Variants in ARMH3 observed in about 807,000 individuals in gnomAD.
ARMH3 encodes the protein armadillo like helical domain containing 3.
ARMH3 carries 60 observed loss-of-function variants against 99.1 expected under a neutral mutation model. The ratio of observed to expected loss-of-function variants is 0.61; its 90% confidence interval spans 0.49 to 0.75. ARMH3 has a LOEUF of 0.75. Ranked by LOEUF, ARMH3 falls within the 30% of genes least tolerant of loss-of-function variation. The pLI, the probability that ARMH3 is intolerant of heterozygous loss-of-function variation, is 0.00. For synonymous variants in ARMH3, 285 were observed against 292.8 expected (o/e 0.97, Z 0.27); for missense variants, 679 against 843.1 (o/e 0.81, Z 2.41).
rs538884666 is a variant in ARMH3 at position 102,002,097 on chromosome 10, C to A, written c.1049-25G>T. Reference sequence around the variant, plus strand: ...ACTGGAATAGAACAGATAAAATGCACTTAGCCTGCAACATATTCCATCTAA... The same window carrying A: ...ACTGGAATAGAACAGATAAAATGCAATTAGCCTGCAACATATTCCATCTAA... On this transcript the variant is annotated intron_variant, in intron 14 of 25. Transcript: ENST00000370033. 3.1e-6 allele frequency: 5 copies of A among 1,612,108 alleles called. No homozygotes were observed. The South Asian group carries it at 5.5e-5, about 18-fold the overall frequency.
chr10:101,893,097 TA>T (rs1564727676), intron 23 of ARMH3, among the ~76,000 whole-genome samples: 1 of 152,194 alleles, frequency 6.6e-6, no homozygotes. Context: ...ACCAGGACCC[TA>T]AACCCAATGA....
In ARMH3 at chr10:102,011,782, G is replaced by C; in HGVS notation, c.772C>G (p.Gln258Glu). The stretch of plus-strand genomic sequence containing the variant: ...TGTTCTTCTTCCTTGTCTTTATACT[G>C]CCTAAACAAAAAGAACTAAATTCAA... ...IAQALSEYNR[Q>E]YKDKEEEHQS... is the part of the protein sequence containing the mutation. The change falls in exon 11 of 26, where the codon CAG becomes GAG. Residue 258 changes from glutamine to glutamate, a missense_variant and splice_region_variant. Physicochemically the swap from Gln to Glu is conservative, Grantham distance 29. Transcript: ENST00000370033. 1 of 1,604,162 alleles carries C rather than the reference G, an allele frequency of 6.2e-7. No individual in the cohort carries two copies. The highest frequency in any genetic ancestry group is 8.5e-7 in the Non-Finnish European group (1 of 1,174,924).
At chr10:101,948,842 C>T (rs919938605) in intron 22 of ARMH3, among the ~76,000 whole-genome samples, 10 of 151,630 alleles carry the variant, frequency 6.6e-5, no homozygotes, top group Non-Finnish European at 1.3e-4. Flanking sequence ...TACTCTGGGC[C>T]ATAAAACATG....
chr10:102,004,930 C>T (rs7079478), intron 14 of ARMH3, among the ~76,000 whole-genome samples: 8,841 of 151,996 alleles, frequency 0.058, 271 homozygotes, highest in African/African-American at 0.068. Context: ...ATTGGCCAGG[C>T]GTGGTGGCTC....
intron 1 of ARMH3, among the ~76,000 whole-genome samples, chr10:102,048,244 C>T (rs2067604957): frequency 1.3e-5 from 2 of 152,174 alleles, no homozygotes; most frequent in African/African-American, 4.8e-5. Context: ...GACTGTAGCC[C>T]ATTTCCCCAT....
intron 1 of ARMH3, among the ~76,000 whole-genome samples, chr10:102,047,527 C>T (rs1053433084): frequency 5.3e-5 from 8 of 151,402 alleles, no homozygotes; most frequent in African/African-American, 1.9e-4. Context: ...CACTCTGTCA[C>T]CCAGGCTGGG....
chr10:101,936,143 C>G (rs1843959524), intron 23 of ARMH3, among the ~76,000 whole-genome samples: 1 of 151,956 alleles, frequency 6.6e-6, no homozygotes, highest in Non-Finnish European at 1.5e-5. Context: ...TCAAGTTCTC[C>G]CTACCAAGGA....
At chr10:101,865,441 T>A (rs1292147772) in intron 24 of ARMH3, among the ~76,000 whole-genome samples, 1 of 152,056 alleles carries the variant, frequency 6.6e-6, no homozygotes, top group African/African-American at 2.4e-5. Flanking sequence ...GAGGCAGTAT[T>A]AAATTATAAC....
At chr10:102,023,359 A>C in intron 8 of ARMH3, 118 bp downstream of exon 8, 1 of 890,956 alleles carries the variant, frequency 1.1e-6, no homozygotes, top group East Asian at 2.5e-5. Flanking sequence ...GATTATCAAA[A>C]TTAATCAATA....
intron 24 of ARMH3, among the ~76,000 whole-genome samples, chr10:101,871,846 CAAA>C (rs576888202): frequency 4.6e-5 from 7 of 151,796 alleles, no homozygotes; most frequent in Admixed American, 6.6e-5. Context: ...ACTAAATATA[CAAA>C]AATTAGCTGG....
At chr10:101,915,388 AG>A (rs751493508) in intron 23 of ARMH3, among the ~76,000 whole-genome samples, 11 of 152,210 alleles carry the variant, frequency 7.2e-5, no homozygotes, top group Non-Finnish European at 1.0e-4. Flanking sequence ...ATCTGCTCAG[AG>A]TAGTCAGCAG....
At chr10:101,908,836 T>C (rs560399500) in intron 23 of ARMH3, among the ~76,000 whole-genome samples, 14 of 151,792 alleles carry the variant, frequency 9.2e-5, no homozygotes, top group Non-Finnish European at 1.9e-4. Flanking sequence ...GCTAATTCTG[T>C]GTTTTTAGTA....
chr10:102,029,510 G>C (rs2067075114), intron 5 of ARMH3, 128 bp downstream of exon 5: 2 of 1,585,068 alleles, frequency 1.3e-6, no homozygotes, highest in Non-Finnish European at 1.7e-6. Flanking sequence ...ACATCTAAAT[G>C]CAAGGCCAAA....
chr10:101,939,797 T>C (rs1844156558), intron 23 of ARMH3, 66 bp downstream of exon 23: 1 of 1,389,102 alleles, frequency 7.2e-7, no homozygotes, highest in Non-Finnish European at 1.0e-6. Context: ...ACACTTTACT[T>C]AGAAAGGTAC....
At chr10:101,998,478 A>C (rs79349434) in intron 15 of ARMH3, among the ~76,000 whole-genome samples, 1 of 152,294 alleles carries the variant, frequency 6.6e-6, no homozygotes, top group African/African-American at 2.4e-5. Context: ...TCTTTCTTGA[A>C]AGAGAACACT....
intron 23 of ARMH3, among the ~76,000 whole-genome samples, chr10:101,905,740 AATG>A (rs2068086712): frequency 6.6e-6 from 1 of 152,230 alleles, no homozygotes; most frequent in Non-Finnish European, 1.5e-5. Flanking sequence ...TATCCCTATC[AATG>A]ATGAAGAATC....
At chr10:101,958,767 A>C (rs1197577977) in intron 20 of ARMH3, among the ~76,000 whole-genome samples, 1 of 152,106 alleles carries the variant, frequency 6.6e-6, no homozygotes, top group African/African-American at 2.4e-5. Flanking sequence ...GTTTTGTGTG[A>C]AGTTTACTAC....
At chr10:101,911,779 G>C (rs763813054) in intron 23 of ARMH3, among the ~76,000 whole-genome samples, 1 of 151,924 alleles carries the variant, frequency 6.6e-6, no homozygotes, top group Non-Finnish European at 1.5e-5. Context: ...GCTCACGCCT[G>C]TAATCCCAGC....
In ARMH3 at chr10:101,937,788, T is replaced by C. The variant is rs541765623; in HGVS notation, c.1781+2075A>G. 2.0e-5 allele frequency among the ~76,000 whole-genome samples: 3 copies of C among 152,340 alleles called. No individual in the cohort carries two copies. The East Asian group carries it at 5.8e-4, about 29-fold the overall frequency. ...GGGTAAACATTTGCAGGCTTAGTAC[T>C]ACCTGTATTTTTCCCTGATCTGGCC... On this transcript the variant is annotated intron_variant, in intron 23 of 25. Transcript: ENST00000370033.
Sources: allele counts gnomAD v4.1 joint callset (sites outside exome capture counted in the v4.1 genomes callset), GRCh38; gene constraint gnomAD v4.1.1; transcripts MANE v1.5; gene names NCBI Gene and HGNC (gene_info 2026-07-23, HGNC 2026-07-21).